The following F13B variants were observed in gnomAD, a reference collection of about 807,000 sequenced individuals.
F13B encodes TGase.
F13B carries 58 observed loss-of-function variants against 79.8 expected under a neutral mutation model. That is an observed-to-expected ratio of 0.73 (90% CI 0.59 to 0.90). The LOEUF (loss-of-function observed/expected upper bound fraction) is 0.90. F13B is among the 40% of genes least tolerant of loss of function. The pLI, the probability that F13B is intolerant of heterozygous loss-of-function variation, is 0.00. For synonymous variants in F13B, 283 were observed against 260.3 expected (o/e 1.09, Z -0.84); for missense variants, 773 against 777.0 (o/e 0.99, Z 0.06).
chr1:197,055,809 T>C lies in F13B; in HGVS notation c.1260A>G (p.Ser420=). 1 of 1,613,668 alleles carries C rather than the reference T, an allele frequency of 6.2e-7. No homozygotes were observed. The highest frequency in any genetic ancestry group is 8.5e-7 in the Non-Finnish European group (1 of 1,179,768). The part of the protein sequence containing the change: ...GILASYATGS[S]VEYRCNEYYL... ...AATATTCATTGCATCTATATTCCAC[T>C]GAGGATCCTGTTGCATAGCTTGCCA... Residue 420 remains serine (S), a synonymous_variant, in exon 8 of 12, where the codon TCA becomes TCG. Transcript: ENST00000367412.
intron 8 of F13B, among the ~76,000 whole-genome samples, chr1:197,053,873 G>C (rs1268281230): frequency 6.6e-6 from 1 of 151,892 alleles, no homozygotes; most frequent in Non-Finnish European, 1.5e-5. Flanking sequence ...GGAACAACCA[G>C]TGCAAAGGCC....
chr1:197,058,218 T>C (rs1446602580), intron 5 of F13B, among the ~76,000 whole-genome samples: 2 of 152,206 alleles, frequency 1.3e-5, no homozygotes, highest in Non-Finnish European at 2.9e-5. Flanking sequence ...TCCCATGTTA[T>C]AGACAAACTA....
chr1:197,050,102 CAAATA>C (rs1655390314), intron 10 of F13B, among the ~76,000 whole-genome samples: 1 of 151,974 alleles, frequency 6.6e-6, no homozygotes, highest in South Asian at 2.1e-4. Flanking sequence ...GAATGGGAAG[CAAATA>C]AAGATATCCA....
chr1:197,050,920 A>G, intron 9 of F13B, 41 bp from the exon 10 acceptor site: 2 of 1,505,550 alleles, frequency 1.3e-6, no homozygotes, highest in Non-Finnish European at 1.8e-6. Flanking sequence ...AATTGCTATA[A>G]TGAACATCCA....
At chr1:197,039,590 T>C (rs1436771497) in intron 11 of F13B, among the ~76,000 whole-genome samples, 179 bp from the exon 12 acceptor site, 1 of 152,112 alleles carries the variant, frequency 6.6e-6, no homozygotes, top group Non-Finnish European at 1.5e-5. Flanking sequence ...TGCAATATTA[T>C]TTACTACACT....
At chr1:197,057,985 A>T (rs17549617) in intron 5 of F13B, among the ~76,000 whole-genome samples, 4,697 of 152,230 alleles carry the variant, frequency 0.031, 248 homozygotes, top group African/African-American at 0.11. Flanking sequence ...TCCAGCTAAC[A>T]TCTTGATTGC....
chr1:197,044,068 T>A (rs11586343), intron 10 of F13B, among the ~76,000 whole-genome samples: 2 of 150,592 alleles, frequency 1.3e-5, no homozygotes, highest in African/African-American at 4.9e-5. Flanking sequence ...TATATATATA[T>A]AGAGAGAGAG....
intron 11 of F13B, among the ~76,000 whole-genome samples, 193 bp from the exon 12 acceptor site, chr1:197,039,604 C>G (rs1183954255): frequency 6.6e-6 from 1 of 152,026 alleles, no homozygotes; most frequent in East Asian, 1.9e-4. Flanking sequence ...CTACACTACT[C>G]ATGATTTTTT....
chr1:197,060,738 T>C (rs1655823525), intron 4 of F13B, among the ~76,000 whole-genome samples, 161 bp downstream of exon 4: 1 of 152,158 alleles, frequency 6.6e-6, no homozygotes, highest in South Asian at 2.1e-4. Context: ...TTTATTCTAC[T>C]TGAGAGCTTT....
At chr1:197,045,840 G>T (rs776437186) in intron 10 of F13B, among the ~76,000 whole-genome samples, 4 of 152,094 alleles carry the variant, frequency 2.6e-5, no homozygotes, top group Non-Finnish European at 5.9e-5. Context: ...TTCATCCCTG[G>T]GATGCAATGC....
At position 197,060,931 on chromosome 1, in the gene F13B, G is replaced by A. The variant is rs750505319; in HGVS notation, c.596C>T (p.Thr199Ile). The A allele has an allele frequency of 6.8e-6, 11 of 1,613,118 alleles. No homozygotes were observed. In the South Asian group the frequency reaches 1.1e-4, roughly 16 times the overall value. The change falls in exon 4 of 12, where the codon ACA becomes ATA. Residue 199 changes from threonine to isoleucine, a missense_variant. By Grantham distance (89) the Thr-to-Ile change is moderately conservative. Coordinates refer to ENST00000367412, the MANE Select transcript of F13B (RefSeq NM_001994.3). ...TTTTGGTGTGAGAGACCATCCGTAT[G>A]TGAGACATTCTACCTCCTCTGTCTT... The part of the protein sequence containing the change: ...GKKTEEVECL[T>I]YGWSLTPKCT...
rs1654942808 is a variant in F13B at position 197,039,046 on chromosome 1, G to C, written c.*332C>G. The C allele has an allele frequency of 1.4e-5, 3 of 210,370 alleles. No homozygotes were observed. The South Asian group carries it at 2.7e-4, about 19-fold the overall frequency. 13.0% of individuals were successfully genotyped at this position (210,370 alleles called of 1,614,324 possible). On this transcript the variant is annotated 3_prime_UTR_variant, in exon 12 of 12. Transcript: ENST00000367412. Reference sequence around the variant, plus strand: ...TATTAATAAAGATGATGACGAATGTGAATGTGAAATTTTTGCACATACAGT... The same window carrying C: ...TATTAATAAAGATGATGACGAATGTCAATGTGAAATTTTTGCACATACAGT...
Position 197,052,794 on chromosome 1 carries a change from G to A in F13B, c.1395C>T (p.Asn465=), listed in dbSNP as rs1464899614. 1 of 1,610,190 alleles carries A rather than the reference G, an allele frequency of 6.2e-7. No individual in the cohort carries two copies. The highest frequency in any genetic ancestry group is 8.5e-7 in the Non-Finnish European group (1 of 1,178,400). Residue 465 remains asparagine, a synonymous_variant, in exon 9 of 12, where the codon AAC becomes AAT. Coordinates refer to ENST00000367412, the MANE Select transcript of F13B (RefSeq NM_001994.3). ...CTTCATATTTCCACTTCATTTCTATGTTATTTCTGTTCATGTAATCCACAT... is the reference window on the plus strand; with the variant it reads ...CTTCATATTTCCACTTCATTTCTATATTATTTCTGTTCATGTAATCCACAT... ...TVNVDYMNRN[N]IEMKWKYEGK...
chr1:197,049,263 G>T lies in F13B; in HGVS notation c.1738+1434C>A, dbSNP rs571306147. ...AACATAGAAGAAAGGAAATAATAAA[G>T]ATAATAGCATAATTAATAAAATAGA... On this transcript the variant is annotated intron_variant, in intron 10 of 11. Coordinates refer to ENST00000367412, the MANE Select transcript of F13B (RefSeq NM_001994.3). 2.6e-5 allele frequency among the ~76,000 whole-genome samples: 4 copies of T among 151,906 alleles called. No homozygotes were observed. In the East Asian group the frequency reaches 7.7e-4, roughly 29 times the overall value.
At chr1:197,050,636 A>C in intron 10 of F13B, 61 bp downstream of exon 10, 1 of 1,475,090 alleles carries the variant, frequency 6.8e-7, no homozygotes, top group South Asian at 1.2e-5. Flanking sequence ...TAACTCAAAA[A>C]TGACAGCAAA....
At chr1:197,041,243 G>A (rs1655026360) in intron 10 of F13B, among the ~76,000 whole-genome samples, 1 of 152,102 alleles carries the variant, frequency 6.6e-6, no homozygotes, top group Admixed American at 6.6e-5. Flanking sequence ...ATGGTTGACA[G>A]TTACTTCTCT....
rs749181100 is a variant in F13B at position 197,055,909 on chromosome 1, G to C, written c.1172-12C>G. On this transcript the variant is annotated splice_polypyrimidine_tract_variant and intron_variant, in intron 7 of 11. Transcript: ENST00000367412. ...ATTCTCATTATTTTCTAAGAAAAGAGGTTGTTTTAAAATTAATATGAGCTC... is the reference window on the plus strand; with the variant it reads ...ATTCTCATTATTTTCTAAGAAAAGACGTTGTTTTAAAATTAATATGAGCTC... The C allele has an allele frequency of 1.9e-6, 3 of 1,610,862 alleles. No homozygotes were observed.
chr1:197,063,201 T>C (rs1571571269), intron 1 of F13B, 144 bp from the exon 2 acceptor site: 1 of 690,414 alleles, frequency 1.4e-6, no homozygotes, highest in Non-Finnish European at 2.5e-6. Flanking sequence ...AAGGTACTTT[T>C]GTGACAACTC....
chr1:197,051,034 T>C lies in F13B; in HGVS notation c.1556-155A>G, dbSNP rs17514655. Among the ~76,000 whole-genome samples the C allele has an allele frequency of 3.6e-3, 547 of 152,186 alleles. 1 individual carries two copies. The highest frequency in any genetic ancestry group is 0.013 in the African/African-American group (532 of 41,542). Reference sequence around the variant, plus strand: ...GCAACCTCTGCCTCCCAGGCTCAAGTGATCCTCCTGTCTTAGCCTCCCAAC... The same window carrying C: ...GCAACCTCTGCCTCCCAGGCTCAAGCGATCCTCCTGTCTTAGCCTCCCAAC... On this transcript the variant is annotated intron_variant, in intron 9 of 11. Coordinates refer to ENST00000367412, the MANE Select transcript of F13B (RefSeq NM_001994.3).
Sources: allele counts gnomAD v4.1 joint callset (sites outside exome capture counted in the v4.1 genomes callset), GRCh38; gene constraint gnomAD v4.1.1; transcripts MANE v1.5; gene names NCBI Gene and HGNC (gene_info 2026-07-23, HGNC 2026-07-21).